The following CDC123 variants were observed in gnomAD, a reference collection of about 807,000 sequenced individuals.
The protein encoded by CDC123 is cell division cycle 123.
CDC123 carries 37 observed loss-of-function variants against 54.4 expected under a neutral mutation model. The observed-to-expected ratio is 0.68, with a 90% CI of 0.52 to 0.89. The LOEUF (loss-of-function observed/expected upper bound fraction) is 0.89. Among genes scored for constraint, CDC123 ranks in the 40% least tolerant of loss-of-function variants. The pLI, the probability that CDC123 is intolerant of heterozygous loss-of-function variation, is 0.00. For missense variants in CDC123, 361 were observed against 412.1 expected (o/e 0.88, Z 1.07); for synonymous variants, 144 against 136.8 (o/e 1.05, Z -0.37).
intron 2 of CDC123, among the ~76,000 whole-genome samples, chr10:12,203,124 C>T (rs1040007849): frequency 6.6e-6 from 1 of 152,176 alleles, no homozygotes; most frequent in Admixed American, 6.5e-5. Context: ...CCTACCTACA[C>T]GTGCCACCTT....
At chr10:12,203,041 G>A (rs939394731) in intron 2 of CDC123, among the ~76,000 whole-genome samples, 1 of 152,160 alleles carries the variant, frequency 6.6e-6, no homozygotes, top group African/African-American at 2.4e-5. Flanking sequence ...AAAAATAAAG[G>A]ATATTAATAA....
chr10:12,250,258 G>C lies in CDC123; in HGVS notation c.985-53G>C, dbSNP rs1026087892. Reference sequence around the variant, plus strand: ...TCTAGAAAATTACACCTGCTGAGCAGATATCCCAAGGAGCATGTGCTATTT... The same window carrying C: ...TCTAGAAAATTACACCTGCTGAGCACATATCCCAAGGAGCATGTGCTATTT... On this transcript the variant is annotated intron_variant, in intron 12 of 12. Transcript: ENST00000281141. 2.6e-6 allele frequency: 3 copies of C among 1,165,900 alleles called. No individual in the cohort carries two copies. The African/African-American group carries it at 4.6e-5, about 18-fold the overall frequency. The allele number at this position is 1,165,900 out of a possible 1,614,324, so 72.2% of individuals were successfully genotyped here.
chr10:12,196,905 A>T (rs1835360497), intron 1 of CDC123, among the ~76,000 whole-genome samples: 1 of 152,252 alleles, frequency 6.6e-6, no homozygotes, highest in Non-Finnish European at 1.5e-5. Context: ...GGCGGCAAGT[A>T]TTAATATATA....
At chr10:12,240,732 G>A (rs1480000685) in intron 10 of CDC123, among the ~76,000 whole-genome samples, 1 of 150,704 alleles carries the variant, frequency 6.6e-6, no homozygotes, top group Non-Finnish European at 1.5e-5. Flanking sequence ...AGCCAGGTGT[G>A]GTGGTTTGTG....
At chr10:12,210,252 A>C in intron 3 of CDC123, 38 bp from the exon 4 acceptor site, 1 of 1,610,466 alleles carries the variant, frequency 6.2e-7, no homozygotes, top group Non-Finnish European at 8.5e-7. Context: ...TGCAGTATTT[A>C]AATTTAATGT....
intron 10 of CDC123, among the ~76,000 whole-genome samples, chr10:12,240,509 C>A (rs187308568): frequency 6.6e-6 from 1 of 152,206 alleles, no homozygotes; most frequent in Non-Finnish European, 1.5e-5. Context: ...TTAACTCTTA[C>A]GTCAAAAGAC....
chr10:12,200,407 T>G (rs1009157864), intron 2 of CDC123, among the ~76,000 whole-genome samples: 10 of 151,982 alleles, frequency 6.6e-5, no homozygotes, highest in Non-Finnish European at 1.2e-4. Context: ...ATTACAGGCG[T>G]GAGCCACTGT....
chr10:12,199,330 C>T (rs147964889), intron 2 of CDC123, among the ~76,000 whole-genome samples: 5 of 152,252 alleles, frequency 3.3e-5, no homozygotes, highest in African/African-American at 7.2e-5. Flanking sequence ...TTTTTTAATT[C>T]GAGTCTGCTC....
At chr10:12,243,010 T>A (rs1199072979) in intron 10 of CDC123, among the ~76,000 whole-genome samples, 2 of 152,190 alleles carry the variant, frequency 1.3e-5, no homozygotes, top group African/African-American at 4.8e-5. Context: ...TGGGTTTTTT[T>A]TAATTTACTT....
chr10:12,201,877 G>A (rs1835444893), intron 2 of CDC123, among the ~76,000 whole-genome samples: 1 of 152,098 alleles, frequency 6.6e-6, no homozygotes, highest in Admixed American at 6.6e-5. Context: ...TGGGGTTGAG[G>A]GAGGAAGTGG....
intron 7 of CDC123, among the ~76,000 whole-genome samples, chr10:12,232,089 C>G (rs185023119): frequency 6.6e-6 from 1 of 152,068 alleles, no homozygotes; most frequent in African/African-American, 2.4e-5. Flanking sequence ...TCAAGTGAAA[C>G]GCCTGCCTCA....
chr10:12,233,180 A>G (rs1835925687), intron 7 of CDC123, among the ~76,000 whole-genome samples: 1 of 152,088 alleles, frequency 6.6e-6, no homozygotes, highest in Non-Finnish European at 1.5e-5. Flanking sequence ...ACCTAGTTTT[A>G]AAATTGTAGG....
chr10:12,202,970 G>A (rs1170910560), intron 2 of CDC123, among the ~76,000 whole-genome samples: 1 of 152,180 alleles, frequency 6.6e-6, no homozygotes, highest in African/African-American at 2.4e-5. Flanking sequence ...AGCTGAGATC[G>A]CACCATTGCA....
Position 12,250,319 on chromosome 10 carries a change from TCAG to T in CDC123, c.997_999del (p.Gln333del), listed in dbSNP as rs1204244446. 6.3e-7 allele frequency: 1 copy of T among 1,590,700 alleles called. No homozygotes were observed. The highest frequency in any genetic ancestry group is 1.3e-5 in the African/African-American group (1 of 74,174). Reference sequence around the variant, plus strand: ...TTGGTTTTCTTTGACAGAAGAGAAATCAGCAGGAGGACGACTGATGAGCGTACT... The same window carrying T: ...TTGGTTTTCTTTGACAGAAGAGAAATCAGGAGGACGACTGATGAGCGTACT... On this transcript the variant is annotated inframe_deletion, in exon 13 of 13. Transcript: ENST00000281141.
chr10:12,200,057 G>A (rs943504285), intron 2 of CDC123, among the ~76,000 whole-genome samples: 37 of 149,908 alleles, frequency 2.5e-4, no homozygotes, highest in Non-Finnish European at 3.5e-4. Flanking sequence ...TCCTGACCTC[G>A]TGATCTGGCT....
intron 7 of CDC123, among the ~76,000 whole-genome samples, chr10:12,231,441 G>A (rs1230836606): frequency 2.0e-5 from 3 of 152,006 alleles, no homozygotes; most frequent in Non-Finnish European, 4.4e-5. Flanking sequence ...TGGCCATCAT[G>A]GCGAAACCCC....
intron 4 of CDC123, among the ~76,000 whole-genome samples, chr10:12,210,740 G>T (rs769272181): frequency 6.6e-6 from 1 of 152,006 alleles, no homozygotes; most frequent in African/African-American, 2.4e-5. Context: ...TTGCTCTGTC[G>T]CCCAGGCAGG....
intron 2 of CDC123, among the ~76,000 whole-genome samples, chr10:12,201,034 A>G (rs1470157085): frequency 6.6e-6 from 1 of 152,240 alleles, no homozygotes; most frequent in African/African-American, 2.4e-5. Context: ...GTTCAGCTTC[A>G]TATTTGTGAA....
chr10:12,224,689 C>T (rs1297075814), intron 6 of CDC123, among the ~76,000 whole-genome samples: 2 of 152,140 alleles, frequency 1.3e-5, no homozygotes, highest in Non-Finnish European at 2.9e-5. Flanking sequence ...TCTTTTGGTA[C>T]TTTGTTGAAA....
Sources: gnomAD v4.1 joint callset for allele counts (sites outside exome capture counted in the v4.1 genomes callset) on GRCh38, gnomAD v4.1.1 for gene constraint, MANE v1.5 for transcripts, NCBI Gene and HGNC (gene_info 2026-07-23, HGNC 2026-07-21) for gene names.